Variants in ARL14EP observed in about 807,000 individuals in gnomAD.
ARL14EP encodes ARF like GTPase 14 effector protein.
A neutral mutation model predicts 23.1 loss-of-function variants in ARL14EP; 12 were observed. The ratio of observed to expected loss-of-function variants is 0.52; its 90% CI spans 0.33 to 0.84. The LOEUF (loss-of-function observed/expected upper bound fraction) is 0.84. ARL14EP is among the 40% of genes least tolerant of loss of function. ARL14EP has a pLI of 0.02. For synonymous variants in ARL14EP, 97 were observed against 102.0 expected, an observed-to-expected ratio of 0.95 and a Z score of 0.29; for missense variants, 253 against 307.3, an observed-to-expected ratio of 0.82 and a Z score of 1.32.
In ARL14EP at chr11:30,331,353, GA is replaced by G; in HGVS notation, c.409del (p.Arg137GlyfsTer13). The G allele has an allele frequency of 6.2e-7, 1 of 1,613,924 alleles. No homozygotes were observed. Among genetic ancestry groups the G allele is most frequent in the Non-Finnish European group, 8.5e-7 (1 of 1,179,842 alleles). The part of the protein sequence containing the change: ...SVDVDTEDRQ[K>X]RKPESDGRTA... Reference sequence around the variant, plus strand: ...TGGATGTTGATACTGAAGACCGCCAGAAAAGGAAACCTGAGTCAGATGTATG... The same window carrying G: ...TGGATGTTGATACTGAAGACCGCCAGAAAGGAAACCTGAGTCAGATGTATG... On this transcript the variant is annotated frameshift_variant, in exon 2 of 4. Coordinates refer to ENST00000282032, the MANE Select transcript of ARL14EP (RefSeq NM_152316.3). LOFTEE classifies it high-confidence loss of function.
intron 1 of ARL14EP, chr11:30,328,776 T>C (rs1297242421): frequency 1.3e-5 from 2 of 152,086 alleles, no homozygotes; most frequent in Non-Finnish European, 2.9e-5. Flanking sequence ...GTTTAAGATT[T>C]CTCTCCAGTT....
intron 2 of ARL14EP, among the ~76,000 whole-genome samples, chr11:30,332,403 G>A (rs7939827): frequency 5.3e-5 from 8 of 151,666 alleles, no homozygotes; most frequent in African/African-American, 1.5e-4. Flanking sequence ...CTTAAACACC[G>A]AAATTTTGTT....
chr11:30,335,298 A>C (rs1947322365), intron 3 of ARL14EP, among the ~76,000 whole-genome samples: 1 of 152,236 alleles, frequency 6.6e-6, no homozygotes, highest in African/African-American at 2.4e-5. Context: ...TTAAGGTGGA[A>C]TCTACTGGTG....
At chr11:30,336,539 G>T in intron 3 of ARL14EP, 28 bp from the exon 4 acceptor site, 1 of 1,510,346 alleles carries the variant, frequency 6.6e-7, no homozygotes, top group South Asian at 1.1e-5. Context: ...TATTTATGAG[G>T]TATAATTCAT....
chr11:30,328,315 T>G (rs530739330), intron 1 of ARL14EP: 2 of 152,112 alleles, frequency 1.3e-5, no homozygotes, highest in Non-Finnish European at 1.5e-5. Context: ...GTATTTTTAG[T>G]AGACACGAGA....
intron 1 of ARL14EP, among the ~76,000 whole-genome samples, chr11:30,323,446 G>C (rs919048833): frequency 6.6e-6 from 1 of 152,248 alleles, no homozygotes; most frequent in African/African-American, 2.4e-5. Flanking sequence ...TGACCTCTCT[G>C]AGGGTCGTCG....
intron 1 of ARL14EP, chr11:30,328,541 A>T (rs1947259278): frequency 1.3e-5 from 2 of 152,226 alleles, no homozygotes; most frequent in African/African-American, 4.8e-5. Context: ...AAATGAATAT[A>T]AATATACTCT....
chr11:30,331,716 A>C, intron 2 of ARL14EP: 1 of 1,111,604 alleles, frequency 9.0e-7, no homozygotes. Context: ...GGGACATGGC[A>C]ACCACCAAGG....
Position 30,331,170 on chromosome 11 carries a change from A to T in ARL14EP, c.222A>T (p.Ser74=), listed in dbSNP as rs769433126. 6.2e-6 allele frequency: 10 copies of T among 1,613,880 alleles called. No homozygotes were observed. The East Asian group carries it at 2.2e-4, about 36-fold the overall frequency. The change falls in exon 2 of 4, where the codon TCA becomes TCT. Residue 74 remains serine, a synonymous_variant. Transcript: ENST00000282032. ...ACAGATTTGAGGATTTACAGAAGTC[A>T]TGTTGTGACCCATTTAACATACACA... is the stretch of plus-strand genomic sequence containing the variant. ...YIDRFEDLQK[S]CCDPFNIHKK...
Position 30,331,386 on chromosome 11 carries a change from A to C in ARL14EP, c.426+12A>C. The C allele has an allele frequency of 1.2e-6, 2 of 1,613,760 alleles. No homozygotes were observed. The highest frequency in any genetic ancestry group is 8.5e-7 in the Non-Finnish European group (1 of 1,179,766). Reference sequence around the variant, plus strand: ...AACCTGAGTCAGATGTATGTGTAATAGTCATTTTTTTCTACATTGTGAATT... The same window carrying C: ...AACCTGAGTCAGATGTATGTGTAATCGTCATTTTTTTCTACATTGTGAATT... On this transcript the variant is annotated intron_variant, in intron 2 of 3. Transcript: ENST00000282032.
intron 3 of ARL14EP, among the ~76,000 whole-genome samples, chr11:30,334,503 C>T (rs1030042032): frequency 1.3e-5 from 2 of 152,050 alleles, no homozygotes; most frequent in South Asian, 4.1e-4. Context: ...TGTGAGCCAC[C>T]ACGCCCAGCC....
In ARL14EP at chr11:30,331,350, C is replaced by T. The variant is rs141257829; in HGVS notation, c.402C>T (p.Arg134=). The T allele has an allele frequency of 2.9e-5, 46 of 1,613,702 alleles. No homozygotes were observed. In the Middle Eastern group the frequency reaches 3.1e-3, roughly 110 times the overall value. ...NGSVDVDTED[R]QKRKPESDGR... ...GTGTGGATGTTGATACTGAAGACCG[C>T]CAGAAAAGGAAACCTGAGTCAGATG... Residue 134 remains arginine (R), a synonymous_variant, in exon 2 of 4, where the codon CGC becomes CGT. Transcript: ENST00000282032.
chr11:30,336,865 T>C lies in ARL14EP; in HGVS notation c.*70T>C. The stretch of plus-strand genomic sequence containing the variant: ...AAAATCTGTTACTCTAAGATACATT[T>C]TAAGCTTGATTATCATATGACAAAG... On this transcript the variant is annotated 3_prime_UTR_variant, in exon 4 of 4. Coordinates refer to ENST00000282032, the MANE Select transcript of ARL14EP (RefSeq NM_152316.3). The C allele has an allele frequency of 7.5e-7, 1 of 1,336,022 alleles. No individual in the cohort carries two copies. Among genetic ancestry groups the C allele is most frequent in the Non-Finnish European group, 1.1e-6 (1 of 941,408 alleles). The allele number at this position is 1,336,022 out of a possible 1,614,324, so 82.8% of individuals were successfully genotyped here.
intron 2 of ARL14EP, chr11:30,331,721 C>G: frequency 5.5e-6 from 6 of 1,082,604 alleles, no homozygotes; most frequent in Non-Finnish European, 6.7e-6. Flanking sequence ...ATGGCAACCA[C>G]CAAGGGTCTT....
chr11:30,331,383 A>T lies in ARL14EP; in HGVS notation c.426+9A>T. On this transcript the variant is annotated intron_variant, in intron 2 of 3. Coordinates refer to ENST00000282032, the MANE Select transcript of ARL14EP (RefSeq NM_152316.3). ...GGAAACCTGAGTCAGATGTATGTGT[A>T]ATAGTCATTTTTTTCTACATTGTGA... 6.2e-7 allele frequency: 1 copy of T among 1,613,808 alleles called. No individual in the cohort carries two copies. The highest frequency in any genetic ancestry group is 2.2e-5 in the East Asian group (1 of 44,864).
Position 30,334,208 on chromosome 11 carries a change from C to CTTTTTTTTTTTTTTTTTTT in ARL14EP, c.554+1222_554+1240dup, listed in dbSNP as rs36111177. Among the ~76,000 whole-genome samples the CTTTTTTTTTTTTTTTTTTT allele has an allele frequency of 3.0e-3, 257 of 86,004 alleles. 11 individuals carry two copies. Among genetic ancestry groups the CTTTTTTTTTTTTTTTTTTT allele is most frequent in the African/African-American group, 7.5e-3 (148 of 19,832 alleles). The allele number at this position is 86,004 out of a possible 152,430, so 56.4% of individuals were successfully genotyped here. ...CAGATTTTCAATGTAGACCAGCCTT[C>CTTTTTTTTTTTTTTTTTTT]TTTTTTTTTTTTTTTTTTTTTTTTT... On this transcript the variant is annotated intron_variant, in intron 3 of 3. Transcript: ENST00000282032.
At chr11:30,334,291 C>T (rs1008044613) in intron 3 of ARL14EP, among the ~76,000 whole-genome samples, 1 of 145,714 alleles carries the variant, frequency 6.9e-6, no homozygotes, top group African/African-American at 2.6e-5. Flanking sequence ...ACTCAGCTCA[C>T]TACACCCGCC....
intron 1 of ARL14EP, chr11:30,329,033 G>A (rs1364875361): frequency 6.6e-6 from 1 of 151,902 alleles, no homozygotes; most frequent in African/African-American, 2.4e-5. Context: ...AAGCACTTAT[G>A]TACATGTCAC....
intron 1 of ARL14EP, chr11:30,330,567 G>A (rs1947273879): frequency 5.5e-6 from 1 of 180,300 alleles, no homozygotes; most frequent in Non-Finnish European, 1.2e-5. Context: ...TAGCATCCCT[G>A]GTGAATTCTC....
Sources: allele counts gnomAD v4.1 joint callset (sites outside exome capture counted in the v4.1 genomes callset), GRCh38; gene constraint gnomAD v4.1.1; transcripts MANE v1.5; gene names NCBI Gene and HGNC (gene_info 2026-07-23, HGNC 2026-07-21).